Variants in ZNF90 observed in about 807,000 individuals in gnomAD.
ZNF90 encodes zinc finger protein 90.
In ZNF90, 11 loss-of-function variants were observed where a neutral mutation model predicts 12.0. That is an observed-to-expected ratio of 0.92 (90% confidence interval 0.58 to 1.52). ZNF90 has a LOEUF of 1.52. ZNF90 is among the 40% of genes most tolerant of loss of function. The pLI, the probability that ZNF90 is intolerant of heterozygous loss-of-function variation, is 0.00. For missense variants in ZNF90, 765 were observed against 711.5 expected (o/e 1.08, Z -0.86); for synonymous variants, 232 against 240.1 (o/e 0.97, Z 0.31).
At chr19:20,079,115 C>CAAAAAAA (rs139573879) in intron 1 of ZNF90, among the ~76,000 whole-genome samples, 9 of 68,782 alleles carry the variant, frequency 1.3e-4, no homozygotes, top group African/African-American at 3.9e-4. Flanking sequence ...GGAGAGTCCT[C>CAAAAAAA]AAAAAAAAAA....
At chr19:20,088,524 C>T (rs369302714) in intron 1 of ZNF90, among the ~76,000 whole-genome samples, 7 of 152,072 alleles carry the variant, frequency 4.6e-5, no homozygotes, top group East Asian at 1.9e-4. Flanking sequence ...GGGGGTTCAG[C>T]GTAATTACTT....
Position 20,120,176 on chromosome 19 carries a change from C to T in ZNF90, c.*816C>T, listed in dbSNP as rs1367952534. On this transcript the variant is annotated 3_prime_UTR_variant, in exon 4 of 4. Coordinates refer to ENST00000418063, the MANE Select transcript of ZNF90 (RefSeq NM_007138.2). Reference sequence around the variant, plus strand: ...CCTTATTTCACAGGAAAGCTAGTATCCTTGAGAAAAATTGCACAATTATAA... The same window carrying T: ...CCTTATTTCACAGGAAAGCTAGTATTCTTGAGAAAAATTGCACAATTATAA... Among the ~76,000 whole-genome samples the T allele has an allele frequency of 4.6e-5, 7 of 152,118 alleles. No homozygotes were observed. The East Asian group carries it at 5.8e-4, about 13-fold the overall frequency.
chr19:20,091,499 G>T (rs540900304), intron 1 of ZNF90, among the ~76,000 whole-genome samples: 18 of 152,340 alleles, frequency 1.2e-4, no homozygotes, highest in Admixed American at 2.6e-4. Flanking sequence ...ATAGGTGGAA[G>T]TTTCCGTGGG....
chr19:20,107,418 C>T (rs1328068434), intron 3 of ZNF90, among the ~76,000 whole-genome samples: 1 of 152,158 alleles, frequency 6.6e-6, no homozygotes, highest in Non-Finnish European at 1.5e-5. Context: ...GACTAGAAGG[C>T]TTCTCAATCT....
rs782006426 is a variant in ZNF90 at position 20,118,821 on chromosome 19, A to G, written c.1267A>G (p.Lys423Glu). The G allele has an allele frequency of 1.2e-6, 2 of 1,603,584 alleles. No homozygotes were observed. Among genetic ancestry groups the G allele is most frequent in the Admixed American group, 1.7e-5 (1 of 57,852 alleles). ...TIHKISHTEEKPYKCQECDKV... is the reference protein window; with the variant it reads ...TIHKISHTEEEPYKCQECDKV... ...ACATAAGATAAGTCATACTGAAGAG[A>G]AACCCTACAAATGTCAAGAATGTGA... is the stretch of plus-strand genomic sequence containing the variant. The change falls in exon 4 of 4, where the codon AAA (lysine) becomes GAA (glutamate). Residue 423 changes from lysine (K) to glutamate (E), a missense_variant. Lys to Glu is a moderately conservative substitution (Grantham distance 56, BLOSUM62 1). Coordinates refer to ENST00000418063, the MANE Select transcript of ZNF90 (RefSeq NM_007138.2).
chr19:20,083,823 C>T (rs1555701778), intron 1 of ZNF90, among the ~76,000 whole-genome samples: 1 of 152,196 alleles, frequency 6.6e-6, no homozygotes, highest in East Asian at 1.9e-4. Context: ...TACTGACATA[C>T]ATTAGCCTGA....
intron 1 of ZNF90, chr19:20,080,055 C>A (rs1471369548): frequency 2.1e-5 from 7 of 331,360 alleles, no homozygotes. Flanking sequence ...CCTGCCTCAG[C>A]CTCCCGAGTA....
intron 2 of ZNF90, among the ~76,000 whole-genome samples, chr19:20,104,886 C>G (rs1380696645): frequency 6.6e-6 from 1 of 152,122 alleles, no homozygotes; most frequent in Non-Finnish European, 1.5e-5. Flanking sequence ...CCCAGCTACT[C>G]TGAAGGCTGA....
In ZNF90 at chr19:20,084,211, G is replaced by A. The variant is rs191667405; in HGVS notation, c.3+6076G>A. On this transcript the variant is annotated intron_variant, in intron 1 of 3. Coordinates refer to ENST00000418063, the MANE Select transcript of ZNF90 (RefSeq NM_007138.2). ...TGGGACTACAGGTGCTGGCCACCAC[G>A]CATGGCAAATTTTTTTTGTATTTTT... 2.6e-3 allele frequency among the ~76,000 whole-genome samples: 388 copies of A among 151,908 alleles called. 2 individuals are homozygous for A. The highest frequency in any genetic ancestry group is 0.014 in the Middle Eastern group (4 of 294).
In ZNF90 at chr19:20,080,418, C is replaced by CGG. The variant is rs1568280968; in HGVS notation, c.3+2287_3+2288dup. 17 of 353,252 alleles carry CGG rather than the reference C, an allele frequency of 4.8e-5. 1 individual carries two copies. Among genetic ancestry groups the CGG allele is most frequent in the South Asian group, 4.7e-4 (17 of 36,132 alleles). The allele number at this position is 353,252 out of a possible 1,614,324, so 21.9% of individuals were successfully genotyped here. ...CCACAAACGGACTGTGTGGATGCGG[C>CGG]GGGGGCCAATCTTGGTGTTGGCAGC... On this transcript the variant is annotated intron_variant, in intron 1 of 3. Coordinates refer to ENST00000418063, the MANE Select transcript of ZNF90 (RefSeq NM_007138.2).
At chr19:20,101,052 G>A (rs1264222846) in intron 1 of ZNF90, among the ~76,000 whole-genome samples, 12 of 151,934 alleles carry the variant, frequency 7.9e-5, no homozygotes, top group African/African-American at 1.9e-4. Flanking sequence ...TGTTTGTTAC[G>A]GCTCCAGCTG....
intron 3 of ZNF90, among the ~76,000 whole-genome samples, chr19:20,110,933 A>G (rs2089083557): frequency 6.6e-6 from 1 of 152,134 alleles, no homozygotes; most frequent in Non-Finnish European, 1.5e-5. Flanking sequence ...CTTCTTTCAC[A>G]TGTAATTTGC....
intron 1 of ZNF90, among the ~76,000 whole-genome samples, chr19:20,101,972 C>T (rs892053632): frequency 1.3e-5 from 2 of 152,150 alleles, no homozygotes; most frequent in Non-Finnish European, 2.9e-5. Context: ...ATTCCAGAGC[C>T]TTCTCTACAT....
Position 20,094,043 on chromosome 19 carries a change from G to A in ZNF90, c.4-10196G>A, listed in dbSNP as rs1037888181. ...TGGCTTGGGAGGAATCCCGGGCTGC[G>A]GGCATTCCTTGGCCCAGTGGCCAGA... On this transcript the variant is annotated intron_variant, in intron 1 of 3. Transcript: ENST00000418063. Among the ~76,000 whole-genome samples the A allele has an allele frequency of 5.9e-5, 9 of 152,210 alleles. 1 individual carries two copies. Among genetic ancestry groups the A allele is most frequent in the South Asian group, 4.1e-4 (2 of 4,836 alleles).
At chr19:20,088,038 ACTT>A (rs2088873645) in intron 1 of ZNF90, among the ~76,000 whole-genome samples, 1 of 152,068 alleles carries the variant, frequency 6.6e-6, no homozygotes, top group Non-Finnish European at 1.5e-5. Context: ...GGGCATATTC[ACTT>A]CTTTTGTGAT....
chr19:20,120,517 AT>A lies in ZNF90; in HGVS notation c.*1165del, dbSNP rs1459769473. Among the ~76,000 whole-genome samples, 19 of 152,038 alleles carry A rather than the reference AT, an allele frequency of 1.2e-4. No individual in the cohort carries two copies. The highest frequency in any genetic ancestry group is 1.7e-4 in the African/African-American group (7 of 41,412). The stretch of plus-strand genomic sequence containing the variant: ...GCAAATGTAGTGAATTTGGAAACAA[AT>A]TTTTTTTCAAAAACTACAGCTTAGA... On this transcript the variant is annotated 3_prime_UTR_variant, in exon 4 of 4. Transcript: ENST00000418063.
intron 1 of ZNF90, among the ~76,000 whole-genome samples, chr19:20,097,313 C>T (rs2088956299): frequency 6.6e-6 from 1 of 152,154 alleles, no homozygotes; most frequent in Admixed American, 6.6e-5. Context: ...GGGACTTTTC[C>T]TCTCAGGCTT....
chr19:20,114,138 A>C (rs1423368548), intron 3 of ZNF90, among the ~76,000 whole-genome samples: 1 of 152,140 alleles, frequency 6.6e-6, no homozygotes, highest in Non-Finnish European at 1.5e-5. Context: ...TATAATACAA[A>C]AAATTAGCCA....
At chr19:20,088,933 T>C (rs541497376) in intron 1 of ZNF90, among the ~76,000 whole-genome samples, 1 of 152,292 alleles carries the variant, frequency 6.6e-6, no homozygotes, top group South Asian at 2.1e-4. Context: ...CAGGGAGCTC[T>C]TCGGTCCTAT....
Sources: allele counts gnomAD v4.1 joint callset (sites outside exome capture counted in the v4.1 genomes callset), GRCh38; gene constraint gnomAD v4.1.1; transcripts MANE v1.5; gene names NCBI Gene and HGNC (gene_info 2026-07-23, HGNC 2026-07-21).